VPS51: variants seen among roughly 807,000 people sequenced by gnomAD.
VPS51 encodes VPS51 subunit of GARP complex, also known as vacuolar protein sorting-associated protein 51 homolog.
In VPS51, 55 loss-of-function variants were observed where a neutral mutation model predicts 65.1. The observed-to-expected ratio is 0.84, with a 90% CI of 0.68 to 1.06. The LOEUF (loss-of-function observed/expected upper bound fraction) is 1.06. Ranked by LOEUF, VPS51 falls within the 50% of genes least tolerant of loss-of-function variation. VPS51 has a pLI of 0.00. For synonymous variants in VPS51, 473 were observed against 489.5 expected (o/e 0.97, Z 0.44); for missense variants, 943 against 1,101.6 (o/e 0.86, Z 2.04).
rs781043053 is a variant in VPS51 at position 65,109,405 on chromosome 11, G to C, written c.1569G>C (p.Leu523=). 6.2e-7 allele frequency: 1 copy of C among 1,611,220 alleles called. No individual in the cohort carries two copies. The highest frequency in any genetic ancestry group is 8.5e-7 in the Non-Finnish European group (1 of 1,180,004). The change falls in exon 6 of 10, where the codon CTG becomes CTC. Residue 523 remains leucine, a synonymous_variant. Transcript: ENST00000279281. ...GEKGGATPPA[L]LLLLSRLCLD... is the part of the protein sequence containing the mutation. Reference sequence around the variant, plus strand: ...AGGGGGGTGCCACACCACCTGCCCTGCTCCTGCTGCTCTCCCGCCTCTGCC... The same window carrying C: ...AGGGGGGTGCCACACCACCTGCCCTCCTCCTGCTGCTCTCCCGCCTCTGCC...
rs1473323768 is a variant in VPS51 at position 65,111,819 on chromosome 11, A to T, written c.*232A>T. 1 of 927,938 alleles carries T rather than the reference A, an allele frequency of 1.1e-6. No individual in the cohort carries two copies. The highest frequency in any genetic ancestry group is 2.6e-5 in the East Asian group (1 of 37,822). 57.5% of individuals were successfully genotyped at this position (927,938 alleles called of 1,614,324 possible). ...GCCGATTGGCTGGTGTGCTGGGCCC[A>T]GCATGGGCAGGGGGCGGTTCCACTT... On this transcript the variant is annotated 3_prime_UTR_variant, in exon 10 of 10. Coordinates refer to ENST00000279281, the MANE Select transcript of VPS51 (RefSeq NM_013265.4).
chr11:65,097,172 T>C, intron 2 of VPS51, 45 bp downstream of exon 2: 1 of 1,611,460 alleles, frequency 6.2e-7, no homozygotes, highest in Non-Finnish European at 8.5e-7. Context: ...ACAGCCCCCA[T>C]TCTCCCACCT....
chr11:65,111,297 C>G (rs1947898698), intron 9 of VPS51, 30 bp from the exon 10 acceptor site: 1 of 1,599,376 alleles, frequency 6.3e-7, no homozygotes, highest in African/African-American at 1.3e-5. Flanking sequence ...CTGCAGTCCC[C>G]AAGCTGCATC....
chr11:65,103,917 G>T (rs1947825694), intron 2 of VPS51, among the ~76,000 whole-genome samples: 1 of 149,432 alleles, frequency 6.7e-6, no homozygotes, highest in Non-Finnish European at 1.5e-5. Flanking sequence ...TTTTTTTTAG[G>T]GCTTTCTATT....
chr11:65,110,094 C>T (rs1371570693), intron 7 of VPS51, 171 bp downstream of exon 7: 3 of 742,048 alleles, frequency 4.0e-6, no homozygotes, highest in Admixed American at 5.6e-5. Flanking sequence ...TGAGGGAACC[C>T]CAGGGGAACA....
Position 65,109,493 on chromosome 11 carries a change from C to A in VPS51, c.1657C>A (p.Gln553Lys), listed in dbSNP as rs748817880. The change falls in exon 6 of 10, where the codon CAG (glutamine) becomes AAG (lysine). Residue 553 changes from glutamine (Q) to lysine (K), a missense_variant and splice_region_variant. Around this residue, in one of 2 missense-constraint regions of VPS51, gnomAD observed 855 missense variants for 953.7 expected, o/e 0.90. Coordinates refer to ENST00000279281, the MANE Select transcript of VPS51 (RefSeq NM_013265.4). ...TCTCACTGATGAACAGTTTCTGGTG[C>A]AGGTGAAGCACTAGCTCCTAGCCGG... The part of the protein sequence containing the change: ...LTLTDEQFLV[Q>K]DQFPVTPVST... 1.5e-5 allele frequency: 24 copies of A among 1,605,210 alleles called. No homozygotes were observed. Among genetic ancestry groups the A allele is most frequent in the Non-Finnish European group, 2.0e-5 (24 of 1,179,932 alleles).
In VPS51 at chr11:65,107,474, C is replaced by T. The variant is rs1286306965; in HGVS notation, c.359-107C>T. On this transcript the variant is annotated intron_variant, in intron 2 of 9. Transcript: ENST00000279281. The surrounding 1 kb of genome is among the most constrained non-coding windows in gnomAD (Gnocchi z 4.0). ...CTTTCTCTGGAATCATCCATGCGCC[C>T]CTGGAGCAAGCTGGGGCGTCTGTGA... 2.1e-6 allele frequency: 3 copies of T among 1,420,898 alleles called. No homozygotes were observed. The highest frequency in any genetic ancestry group is 2.3e-5 in the East Asian group (1 of 42,976). The allele number at this position is 1,420,898 out of a possible 1,614,324, so 88.0% of individuals were successfully genotyped here.
In VPS51 at chr11:65,111,584, C is replaced by G; in HGVS notation, c.2346C>G (p.Gly782=). 1 of 1,602,856 alleles carries G rather than the reference C, an allele frequency of 6.2e-7. No individual in the cohort carries two copies. The highest frequency in any genetic ancestry group is 8.5e-7 in the Non-Finnish European group (1 of 1,178,668). The change falls in exon 10 of 10, where the codon GGC becomes GGG. Residue 782 remains glycine, a synonymous_variant. Coordinates refer to ENST00000279281, the MANE Select transcript of VPS51 (RefSeq NM_013265.4). ...TGGTTGAGGTCATCTGCGAGCGCGG[C>G]TAGGCGCAGCCGCTGCCATGCACCG... is the stretch of plus-strand genomic sequence containing the variant. ...PSVVEVICER[G] is the part of the protein sequence containing the mutation.
chr11:65,110,860 GC>G, intron 9 of VPS51, 79 bp downstream of exon 9: 1 of 1,566,034 alleles, frequency 6.4e-7, no homozygotes, highest in Non-Finnish European at 8.8e-7. Context: ...TGCCCAAGGA[GC>G]CCCAGGACTC....
chr11:65,100,000 G>T (rs1443796490), intron 2 of VPS51, among the ~76,000 whole-genome samples: 1 of 152,140 alleles, frequency 6.6e-6, no homozygotes, highest in African/African-American at 2.4e-5. Flanking sequence ...CTACTCAGGA[G>T]GCTGAGGCAG....
chr11:65,096,475 C>G lies in VPS51; in HGVS notation c.225C>G (p.Asp75Glu). The change falls in exon 1 of 10, where the codon GAC becomes GAG. Residue 75 changes from aspartate to glutamate, a missense_variant. By Grantham distance (45) the Asp-to-Glu change is conservative. Coordinates refer to ENST00000279281, the MANE Select transcript of VPS51 (RefSeq NM_013265.4). ...ACTTCGACCCGGAAGTTTACCTAGA[C>G]AAGGTGTGTGCGCACGGGGAGTGGG... is the stretch of plus-strand genomic sequence containing the variant. ...GAHFDPEVYLDKLRRECPLAQ... is the reference protein window; with the variant it reads ...GAHFDPEVYLEKLRRECPLAQ... 1 of 1,354,302 alleles carries G rather than the reference C, an allele frequency of 7.4e-7. No homozygotes were observed. Among genetic ancestry groups the G allele is most frequent in the Non-Finnish European group, 9.9e-7 (1 of 1,011,092 alleles). The allele number at this position is 1,354,302 out of a possible 1,614,324, so 83.9% of individuals were successfully genotyped here. A position where few individuals can be genotyped will look rare whatever the true frequency, so the allele number is the denominator to read the frequency against.
rs765369393 is a variant in VPS51, at chr11:65,107,072, A to T, written c.359-509A>T. ...CCTCCCTAGGCAGGATTCTATCAGG[A>T]CCAAAGGGAAAGGGCCCTTCAGAGA... On this transcript the variant is annotated intron_variant, in intron 2 of 9. Transcript: ENST00000279281. This position sits in a 1 kb window ranked among gnomAD's most constrained non-coding sequence, Gnocchi z 4.0. 1 of 438,502 alleles carries T rather than the reference A, an allele frequency of 2.3e-6. No individual in the cohort carries two copies. Among genetic ancestry groups the T allele is most frequent in the African/African-American group, 2.0e-5 (1 of 49,750 alleles). The allele number at this position is 438,502 out of a possible 1,614,324, so 27.2% of individuals were successfully genotyped here.
Position 65,107,021 on chromosome 11 carries a change from C to A in VPS51, c.359-560C>A, listed in dbSNP as rs1947846692. On this transcript the variant is annotated intron_variant, in intron 2 of 9. Coordinates refer to ENST00000279281, the MANE Select transcript of VPS51 (RefSeq NM_013265.4). The surrounding 1 kb of genome is among the most constrained non-coding windows in gnomAD (Gnocchi z 4.0). ...AGCATGAAGGGACCAGGCTCCCAGG[C>A]ACCTGGTGTGTGAAAGGAAAAACAG... 6.6e-6 allele frequency among the ~76,000 whole-genome samples: 1 copy of A among 152,088 alleles called. No homozygotes were observed. The highest frequency in any genetic ancestry group is 2.1e-4 in the South Asian group (1 of 4,832).
chr11:65,107,004 G>A lies in VPS51; in HGVS notation c.359-577G>A, dbSNP rs192638085. Among the ~76,000 whole-genome samples, 8 of 152,266 alleles carry A rather than the reference G, an allele frequency of 5.3e-5. No homozygotes were observed. Among genetic ancestry groups the A allele is most frequent in the Non-Finnish European group, 1.0e-4 (7 of 68,002 alleles). On this transcript the variant is annotated intron_variant, in intron 2 of 9. Coordinates refer to ENST00000279281, the MANE Select transcript of VPS51 (RefSeq NM_013265.4). This position sits in a 1 kb window ranked among gnomAD's most constrained non-coding sequence, Gnocchi z 4.0. Reference sequence around the variant, plus strand: ...TCTAGGCATGATTTAGAAGCATGAAGGGACCAGGCTCCCAGGCACCTGGTG... The same window carrying A: ...TCTAGGCATGATTTAGAAGCATGAAAGGACCAGGCTCCCAGGCACCTGGTG...
rs1408979115 is a variant in VPS51, at chr11:65,110,794, A to C, written c.2088+13A>C. ...GGAGTTCAACAAGGTCCGACTTCCA[A>C]CGTGACTCAGACTTCCAGGGATCCC... On this transcript the variant is annotated intron_variant, in intron 9 of 9. Coordinates refer to ENST00000279281, the MANE Select transcript of VPS51 (RefSeq NM_013265.4). 2 of 1,614,058 alleles carry C rather than the reference A, an allele frequency of 1.2e-6. No individual in the cohort carries two copies. Among genetic ancestry groups the C allele is most frequent in the Non-Finnish European group, 8.5e-7 (1 of 1,179,980 alleles).
chr11:65,107,279 C>T lies in VPS51; in HGVS notation c.359-302C>T. ...TGGAGCAGTTGAGGCACAGTGGTGG[C>T]AGCTGGCTAAGCACCTGCGGCCTGC... On this transcript the variant is annotated intron_variant, in intron 2 of 9. Coordinates refer to ENST00000279281, the MANE Select transcript of VPS51 (RefSeq NM_013265.4). The surrounding 1 kb of genome is among the most constrained non-coding windows in gnomAD (Gnocchi z 4.0). 1.8e-6 allele frequency: 1 copy of T among 551,958 alleles called. No homozygotes were observed. 34.2% of individuals were successfully genotyped at this position (551,958 alleles called of 1,614,324 possible).
At position 65,108,624 on chromosome 11, in the gene VPS51, C is replaced by T. The variant is rs1399459746; in HGVS notation, c.1153C>T (p.Leu385=). ...FHRRLRAPGA[L]LAAAGLADAA... is the part of the protein sequence containing the mutation. ...CCGGCGCTTGCGGGCTCCCGGGGCC[C>T]TGCTGGCCGCTGCCGGGCTCGCAGA... The change falls in exon 5 of 10, where the codon CTG becomes TTG. Residue 385 remains leucine (L), a synonymous_variant. Transcript: ENST00000279281. The T allele has an allele frequency of 1.3e-6, 2 of 1,528,548 alleles. No individual in the cohort carries two copies. Among genetic ancestry groups the T allele is most frequent in the Non-Finnish European group, 8.7e-7 (1 of 1,146,092 alleles). 94.7% of individuals were successfully genotyped at this position (1,528,548 alleles called of 1,614,324 possible). A position where few individuals can be genotyped will look rare whatever the true frequency, so the allele number is the denominator to read the frequency against.
chr11:65,107,491 C>A lies in VPS51; in HGVS notation c.359-90C>A. ...CATGCGCCCCTGGAGCAAGCTGGGG[C>A]GTCTGTGAAGGGGTGGGTGAGAAGG... is the stretch of plus-strand genomic sequence containing the variant. On this transcript the variant is annotated intron_variant, in intron 2 of 9. Transcript: ENST00000279281. This position sits in a 1 kb window ranked among gnomAD's most constrained non-coding sequence, Gnocchi z 4.0. The A allele has an allele frequency of 6.7e-7, 1 of 1,484,892 alleles. No homozygotes were observed. The highest frequency in any genetic ancestry group is 2.3e-5 in the East Asian group (1 of 43,574). 92.0% of individuals were successfully genotyped at this position (1,484,892 alleles called of 1,614,324 possible). A position where few individuals can be genotyped will look rare whatever the true frequency, so the allele number is the denominator to read the frequency against.
At chr11:65,100,809 G>C (rs1305112186) in intron 2 of VPS51, among the ~76,000 whole-genome samples, 3 of 152,060 alleles carry the variant, frequency 2.0e-5, no homozygotes, top group East Asian at 3.8e-4. Flanking sequence ...GCTTCCCAAA[G>C]TACTGGGATT....
Sources: allele counts gnomAD v4.1 joint callset (sites outside exome capture counted in the v4.1 genomes callset), GRCh38; gene constraint gnomAD v4.1.1; regional missense constraint gnomAD v4.1.1; non-coding constraint Gnocchi (gnomAD v3.1); transcripts MANE v1.5; gene names NCBI Gene and HGNC (gene_info 2026-07-23, HGNC 2026-07-21).